RADIL: variants seen among roughly 807,000 people sequenced by gnomAD.
The protein encoded by RADIL is Rap associating with DIL domain.
Under a neutral mutation model 97.6 loss-of-function variants are expected in RADIL, and 99 were observed. The observed-to-expected ratio is 1.01, with a 90% CI of 0.86 to 1.20. The LOEUF is 1.20. RADIL is among the 50% of genes most tolerant of loss of function. The pLI is 0.00. For synonymous variants in RADIL, 803 were observed against 691.8 expected (o/e 1.16, Z -2.52); for missense variants, 1,765 against 1,498.9 (o/e 1.18, Z -2.93).
At chr7:4,865,622 AC>A (rs1784114255) in intron 2 of RADIL, 1 of 844,614 alleles carries the variant, frequency 1.2e-6, no homozygotes, top group African/African-American at 1.7e-5. Flanking sequence ...TTCGATGGTC[AC>A]CACCCCTCCA....
chr7:4,831,577 C>CAAAAA (rs397889423), intron 5 of RADIL, among the ~76,000 whole-genome samples: 3 of 77,856 alleles, frequency 3.9e-5, no homozygotes, highest in African/African-American at 9.2e-5. Flanking sequence ...TGAAGATTCT[C>CAAAAA]AAAAAAAAAA....
chr7:4,851,635 G>A (rs1402583019), intron 2 of RADIL, among the ~76,000 whole-genome samples: 1 of 152,198 alleles, frequency 6.6e-6, no homozygotes, highest in Non-Finnish European at 1.5e-5. Context: ...TGCAAATGGT[G>A]AACCTGAAGA....
chr7:4,801,573 A>G, intron 12 of RADIL, 80 bp downstream of exon 12: 1 of 1,435,786 alleles, frequency 7.0e-7, no homozygotes, highest in Non-Finnish European at 9.3e-7. Context: ...CCAAGGGGGG[A>G]ACGATCCCAG....
chr7:4,881,740 A>C (rs904020334), intron 1 of RADIL, among the ~76,000 whole-genome samples: 1 of 152,054 alleles, frequency 6.6e-6, no homozygotes, highest in African/African-American at 2.4e-5. Flanking sequence ...AAAAAAAAAA[A>C]AGACAAAAAT....
chr7:4,823,832 G>A (rs1206956177), intron 5 of RADIL, among the ~76,000 whole-genome samples: 1 of 152,242 alleles, frequency 6.6e-6, no homozygotes, highest in Non-Finnish European at 1.5e-5. Flanking sequence ...AGGCTGTGCT[G>A]AGGTGCCCGG....
chr7:4,802,230 G>A (rs1782112983), intron 11 of RADIL, among the ~76,000 whole-genome samples: 1 of 152,208 alleles, frequency 6.6e-6, no homozygotes. Context: ...CCCGCCTGCT[G>A]CCCCCAGCCC....
At chr7:4,860,372 A>T (rs964519042) in intron 2 of RADIL, 2 of 1,613,934 alleles carry the variant, frequency 1.2e-6, no homozygotes, top group Non-Finnish European at 1.7e-6. Context: ...TTTCATACCC[A>T]TCTCAAACAT....
intron 9 of RADIL, chr7:4,808,750 AACGCCACTGCCCCCCGTTCCG>A (rs1402317979): frequency 5.5e-6 from 5 of 913,674 alleles, no homozygotes; most frequent in Middle Eastern, 5.9e-4. Context: ...GTCTCCTTCC[AACGCCACTGCCCCCCGTTCCG>A]ACGCCACTGC....
chr7:4,801,638 C>G lies in RADIL; in HGVS notation c.2842+15G>C, dbSNP rs779651484. Reference sequence around the variant, plus strand: ...TCTGGGGTGGGTTCCCGCCTGAGCACCAGGCAGGGCTCACCTTCCGGAGCT... The same window carrying G: ...TCTGGGGTGGGTTCCCGCCTGAGCAGCAGGCAGGGCTCACCTTCCGGAGCT... On this transcript the variant is annotated intron_variant, in intron 12 of 14. Coordinates refer to ENST00000399583, the MANE Select transcript of RADIL (RefSeq NM_018059.5). 26 of 1,581,336 alleles carry G rather than the reference C, an allele frequency of 1.6e-5. No homozygotes were observed. The highest frequency in any genetic ancestry group is 2.0e-5 in the Non-Finnish European group (23 of 1,165,596).
In RADIL at chr7:4,799,365, C is replaced by T; in HGVS notation, c.*13G>A. The T allele has an allele frequency of 1.2e-6, 2 of 1,612,988 alleles. No homozygotes were observed. The highest frequency in any genetic ancestry group is 3.3e-4 in the Middle Eastern group (2 of 6,050). On this transcript the variant is annotated 3_prime_UTR_variant, in exon 15 of 15. Transcript: ENST00000399583. ...CCGGGTGCCGGGCCTGTGGGGGTGT[C>T]CTCGCAGCCCCCCTAGAGAGGGGGC... is the stretch of plus-strand genomic sequence containing the variant.
rs765709238 is a variant in RADIL, at chr7:4,817,376, G to A, written c.1616-25C>T. ...CCTGCCGGGAGACAGCCACGCCAAT[G>A]GTCACAACGGGCACAGCGCTCAGGA... is the stretch of plus-strand genomic sequence containing the variant. On this transcript the variant is annotated intron_variant, in intron 6 of 14. Transcript: ENST00000399583. This position sits in a 1 kb window ranked among gnomAD's most constrained non-coding sequence, Gnocchi z 8.3. 3.1e-6 allele frequency: 5 copies of A among 1,595,814 alleles called. No individual in the cohort carries two copies. Among genetic ancestry groups the A allele is most frequent in the Non-Finnish European group, 4.3e-6 (5 of 1,168,728 alleles).
At chr7:4,869,881 G>A (rs376903661) in intron 2 of RADIL, among the ~76,000 whole-genome samples, 11 of 152,050 alleles carry the variant, frequency 7.2e-5, no homozygotes, top group African/African-American at 1.2e-4. Flanking sequence ...CTGAAATCCC[G>A]GCACTTTGGG....
At chr7:4,802,471 C>T (rs1782130452) in intron 11 of RADIL, among the ~76,000 whole-genome samples, 1 of 140,230 alleles carries the variant, frequency 7.1e-6, no homozygotes, top group African/African-American at 2.7e-5. Flanking sequence ...TCGGGGCACG[C>T]TGGCTGGGGG....
intron 2 of RADIL, among the ~76,000 whole-genome samples, chr7:4,856,840 T>G (rs750013122): frequency 6.6e-6 from 1 of 152,238 alleles, no homozygotes; most frequent in Non-Finnish European, 1.5e-5. Flanking sequence ...CAATGGCTGA[T>G]AGGGATGGGT....
chr7:4,843,890 T>G (rs1783505329), intron 2 of RADIL, among the ~76,000 whole-genome samples: 1 of 115,390 alleles, frequency 8.7e-6, no homozygotes, highest in Admixed American at 1.2e-4. Flanking sequence ...CCAGCCTGGG[T>G]GACAGAGCGA....
chr7:4,840,365 G>C lies in RADIL; in HGVS notation c.536-3760C>G, dbSNP rs929860957. ...CAGAAAGTGCCCCCACTTGGCCTTTGGGTGGAGGGAGACAGGAGCCGAGGC... is the reference window on the plus strand; with the variant it reads ...CAGAAAGTGCCCCCACTTGGCCTTTCGGTGGAGGGAGACAGGAGCCGAGGC... On this transcript the variant is annotated intron_variant, in intron 2 of 14. Transcript: ENST00000399583. The surrounding 1 kb of genome is among the most constrained non-coding windows in gnomAD (Gnocchi z 5.6). 6.6e-6 allele frequency among the ~76,000 whole-genome samples: 1 copy of C among 152,190 alleles called. No homozygotes were observed. The highest frequency in any genetic ancestry group is 1.5e-5 in the Non-Finnish European group (1 of 68,030).
At chr7:4,846,545 CTTTTT>C (rs367898251) in intron 2 of RADIL, among the ~76,000 whole-genome samples, 2 of 125,422 alleles carry the variant, frequency 1.6e-5, no homozygotes. Context: ...CTGCATCTGT[CTTTTT>C]TTTTTTTTTT....
rs1027414027 is a variant in RADIL, at chr7:4,842,147, A to C, written c.536-5542T>G. Among the ~76,000 whole-genome samples, 1 of 152,120 alleles carries C rather than the reference A, an allele frequency of 6.6e-6. No homozygotes were observed. Among genetic ancestry groups the C allele is most frequent in the Non-Finnish European group, 1.5e-5 (1 of 68,032 alleles). On this transcript the variant is annotated intron_variant, in intron 2 of 14. Coordinates refer to ENST00000399583, the MANE Select transcript of RADIL (RefSeq NM_018059.5). This position sits in a 1 kb window ranked among gnomAD's most constrained non-coding sequence, Gnocchi z 4.5. ...GGTTTGCAGACAGGCCTGCCTGGTCATGAAATGTCTGCCTTTGACAATGGG... is the reference window on the plus strand; with the variant it reads ...GGTTTGCAGACAGGCCTGCCTGGTCCTGAAATGTCTGCCTTTGACAATGGG...
In RADIL at chr7:4,854,857, C is replaced by T. The variant is rs34341513; in HGVS notation, c.536-18252G>A. 0.27 allele frequency among the ~76,000 whole-genome samples: 40,601 copies of T among 151,994 alleles called. 5,563 individuals carry two copies. Among genetic ancestry groups the T allele is most frequent in the South Asian group, 0.36 (1,737 of 4,814 alleles). ...GAATGCACTAGTTCCAGAGTCACAT[C>T]AACCCTCCCAAGCACATCTTCCTGC... is the stretch of plus-strand genomic sequence containing the variant. On this transcript the variant is annotated intron_variant, in intron 2 of 14. Transcript: ENST00000399583. This position sits in a 1 kb window ranked among gnomAD's most constrained non-coding sequence, Gnocchi z 5.1.
Sources: gnomAD v4.1 joint callset for allele counts (sites outside exome capture counted in the v4.1 genomes callset) on GRCh38, gnomAD v4.1.1 for gene constraint, Gnocchi (gnomAD v3.1) non-coding constraint, MANE v1.5 for transcripts, NCBI Gene and HGNC (gene_info 2026-07-23, HGNC 2026-07-21) for gene names.